Variants in TNFRSF1B observed in about 807,000 individuals in gnomAD.
TNFRSF1B encodes the protein tumor necrosis factor receptor superfamily member 1B.
Under a neutral mutation model 44.6 loss-of-function variants are expected in TNFRSF1B, and 19 were observed. That is an observed-to-expected ratio of 0.43 (90% CI 0.30 to 0.62). The LOEUF is 0.62. Ranked by LOEUF, TNFRSF1B falls within the 20% of genes least tolerant of loss-of-function variation. The pLI is 0.16. For synonymous variants in TNFRSF1B, 252 were observed against 261.1 expected, an observed-to-expected ratio of 0.97 and a Z score of 0.34; for missense variants, 541 against 619.9, an observed-to-expected ratio of 0.87 and a Z score of 1.35.
At chr1:12,185,218 T>TC (rs1156482269) in intron 1 of TNFRSF1B, among the ~76,000 whole-genome samples, 1 of 152,062 alleles carries the variant, frequency 6.6e-6, no homozygotes, top group African/African-American at 2.4e-5. Flanking sequence ...CCGCCACCCC[T>TC]CCCCCAGGTC....
chr1:12,205,948 G>C (rs1339570679), intron 9 of TNFRSF1B, among the ~76,000 whole-genome samples: 1 of 152,122 alleles, frequency 6.6e-6, no homozygotes, highest in Non-Finnish European at 1.5e-5. Flanking sequence ...CTTTTGAAGG[G>C]AGACAAGGCA....
chr1:12,192,073 C>A, intron 4 of TNFRSF1B, 150 bp downstream of exon 4: 1 of 1,125,774 alleles, frequency 8.9e-7, no homozygotes, highest in Non-Finnish European at 1.2e-6. Context: ...CGTCTGTCCA[C>A]CTGTCCACCG....
intron 2 of TNFRSF1B, 46 bp from the exon 3 acceptor site, chr1:12,190,911 G>A (rs1448487139): frequency 1.2e-6 from 2 of 1,600,194 alleles, no homozygotes; most frequent in African/African-American, 2.7e-5. Flanking sequence ...CCAGGGTCCT[G>A]GCAGAAGGCT....
In TNFRSF1B at chr1:12,198,181, G is replaced by A. The variant is rs1021478700; in HGVS notation, c.900+3563G>A. On this transcript the variant is annotated intron_variant, in intron 8 of 9. Coordinates refer to ENST00000376259, the MANE Select transcript of TNFRSF1B (RefSeq NM_001066.3). Reference sequence around the variant, plus strand: ...TACCCACAATCACCCCCATGGACACGGACACACTCATGCACGGACCCACGT... The same window carrying A: ...TACCCACAATCACCCCCATGGACACAGACACACTCATGCACGGACCCACGT... Among the ~76,000 whole-genome samples the A allele has an allele frequency of 8.6e-5, 13 of 151,302 alleles. No individual in the cohort carries two copies. In the South Asian group the frequency reaches 2.3e-3, roughly 27 times the overall value.
At position 12,192,892 on chromosome 1, in the gene TNFRSF1B, C is replaced by T; in HGVS notation, c.581C>T (p.Ala194Val). The T allele has an allele frequency of 6.2e-7, 1 of 1,614,088 alleles. No homozygotes were observed. The highest frequency in any genetic ancestry group is 2.2e-5 in the East Asian group (1 of 44,880). ...ICNVVAIPGNASMDAVCTSTS... is the reference protein window; with the variant it reads ...ICNVVAIPGNVSMDAVCTSTS... ...AACGTGGTGGCCATCCCTGGGAATG[C>T]AAGCATGGATGCAGTCTGCACGTCC... The change falls in exon 6 of 10, where the codon GCA (alanine) becomes GTA (valine). Residue 194 changes from alanine to valine, a missense_variant. By Grantham distance (64) the Ala-to-Val change is moderately conservative (BLOSUM62 0). Transcript: ENST00000376259.
At position 12,169,135 on chromosome 1, in the gene TNFRSF1B, G is replaced by T. The variant is rs1010722735; in HGVS notation, c.78+1966G>T. Reference sequence around the variant, plus strand: ...GAAAGCCTTTCCGCATTCTCAGTTGGATTTGATCTTCTCTTCGAACTCCCA... The same window carrying T: ...GAAAGCCTTTCCGCATTCTCAGTTGTATTTGATCTTCTCTTCGAACTCCCA... On this transcript the variant is annotated intron_variant, in intron 1 of 9. Transcript: ENST00000376259. This position sits in a 1 kb window ranked among gnomAD's most constrained non-coding sequence, Gnocchi z 4.5. Among the ~76,000 whole-genome samples the T allele has an allele frequency of 1.2e-4, 19 of 152,158 alleles. No homozygotes were observed. Among genetic ancestry groups the T allele is most frequent in the Non-Finnish European group, 2.6e-4 (18 of 68,016 alleles).
chr1:12,200,004 A>G (rs1437002680), intron 8 of TNFRSF1B, among the ~76,000 whole-genome samples: 1 of 152,114 alleles, frequency 6.6e-6, no homozygotes, highest in East Asian at 1.9e-4. Flanking sequence ...GCCTCTCTTC[A>G]GTGTGCGTGT....
chr1:12,183,447 T>A (rs1423033165), intron 1 of TNFRSF1B, among the ~76,000 whole-genome samples: 2 of 3,994 alleles, frequency 5.0e-4, no homozygotes, highest in Non-Finnish European at 1.0e-3. Context: ...TTTTATCTAT[T>A]CTCTCTCTCT....
chr1:12,201,937 G>A, intron 8 of TNFRSF1B, 30 bp from the exon 9 acceptor site: 1 of 1,561,398 alleles, frequency 6.4e-7, no homozygotes, highest in Non-Finnish European at 8.7e-7. Flanking sequence ...TGGGCTGACT[G>A]CTCTCCCCTA....
chr1:12,203,049 A>G (rs530223770), intron 9 of TNFRSF1B, among the ~76,000 whole-genome samples: 33 of 152,320 alleles, frequency 2.2e-4, no homozygotes, highest in South Asian at 1.4e-3. Flanking sequence ...TGGCATCTCT[A>G]GGGCCCACAC....
At chr1:12,183,113 G>A (rs544570940) in intron 1 of TNFRSF1B, among the ~76,000 whole-genome samples, 1 of 152,352 alleles carries the variant, frequency 6.6e-6, no homozygotes, top group African/African-American at 2.4e-5. Flanking sequence ...GGTAGCAGGT[G>A]CTCGGTACCG....
chr1:12,183,744 T>TTCTATCTACCTAC (rs1638896396), intron 1 of TNFRSF1B, among the ~76,000 whole-genome samples: 82 of 103,788 alleles, frequency 7.9e-4, no homozygotes, highest in South Asian at 2.4e-3. Context: ...TATCTATCTA[T>TTCTATCTACCTAC]CTATCTAGCT....
chr1:12,194,131 C>G, intron 7 of TNFRSF1B, 99 bp downstream of exon 7: 1 of 981,984 alleles, frequency 1.0e-6, no homozygotes, highest in Non-Finnish European at 1.6e-6. Flanking sequence ...AGGGGTCAGA[C>G]AGAGCTGGAT....
chr1:12,202,138 G>A lies in TNFRSF1B; in HGVS notation c.1072G>A (p.Ala358Thr), dbSNP rs1387092420. ...GGCACCAGGCGTGGAGGCCAGTGGG[G>A]CCGGGGAGGCCCGGGCCAGCACCGG... ...PQAPGVEASG[A>T]GEARASTGSS... Residue 358 changes from alanine (A) to threonine (T), a missense_variant, in exon 9 of 10, where the codon GCC (alanine) becomes ACC (threonine). Physicochemically the swap from Ala to Thr is moderately conservative, Grantham distance 58 (BLOSUM62 0). Coordinates refer to ENST00000376259, the MANE Select transcript of TNFRSF1B (RefSeq NM_001066.3). 6 of 1,556,368 alleles carry A rather than the reference G, an allele frequency of 3.9e-6. No individual in the cohort carries two copies. The Middle Eastern group carries it at 5.2e-4, about 134-fold the overall frequency.
chr1:12,208,225 T>C lies in TNFRSF1B; in HGVS notation c.*1205T>C, dbSNP rs1639556566. On this transcript the variant is annotated 3_prime_UTR_variant, in exon 10 of 10. Transcript: ENST00000376259. Reference sequence around the variant, plus strand: ...GCTGTCCTAGGCCACACCATCTCCTTTCAGGGAATTTCAGGAACTAGAGAT... The same window carrying C: ...GCTGTCCTAGGCCACACCATCTCCTCTCAGGGAATTTCAGGAACTAGAGAT... The C allele has an allele frequency of 6.5e-6, 1 of 152,780 alleles. No homozygotes were observed. Among genetic ancestry groups the C allele is most frequent in the Non-Finnish European group, 1.5e-5 (1 of 68,106 alleles). The allele number at this position is 152,780 out of a possible 1,614,324, so 9.5% of individuals were successfully genotyped here. A position where few individuals can be genotyped will look rare whatever the true frequency, so the allele number is the denominator to read the frequency against.
rs1639333375 is a variant in TNFRSF1B, at chr1:12,199,059, T to C, written c.901-2908T>C. On this transcript the variant is annotated intron_variant, in intron 8 of 9. Transcript: ENST00000376259. The surrounding 1 kb of genome is among the most constrained non-coding windows in gnomAD (Gnocchi z 4.0). ...TCTACTGGGGTCCCAGCCCAAGGAA[T>C]AGGACTCAGCCTGCTTCTGTGCCAC... Among the ~76,000 whole-genome samples, 1 of 152,058 alleles carries C rather than the reference T, an allele frequency of 6.6e-6. No homozygotes were observed. The highest frequency in any genetic ancestry group is 2.1e-4 in the South Asian group (1 of 4,818).
chr1:12,184,813 C>G (rs999249637), intron 1 of TNFRSF1B, among the ~76,000 whole-genome samples: 2 of 152,220 alleles, frequency 1.3e-5, no homozygotes, highest in African/African-American at 4.8e-5. Context: ...GAGTGAGGGG[C>G]TCCCCTGGTT....
intron 1 of TNFRSF1B, among the ~76,000 whole-genome samples, chr1:12,181,485 A>G (rs944467345): frequency 3.3e-5 from 5 of 152,106 alleles, no homozygotes; most frequent in Admixed American, 2.0e-4. Context: ...TACAGGTGAC[A>G]ATGCCGAGGC....
chr1:12,205,528 AG>A (rs773360477), intron 9 of TNFRSF1B, among the ~76,000 whole-genome samples: 13 of 152,164 alleles, frequency 8.5e-5, no homozygotes, highest in Non-Finnish European at 1.9e-4. Context: ...GGACAGATGG[AG>A]GCTGTTCACA....
Sources: gnomAD v4.1 joint callset for allele counts (sites outside exome capture counted in the v4.1 genomes callset) on GRCh38, gnomAD v4.1.1 for gene constraint, Gnocchi (gnomAD v3.1) non-coding constraint, MANE v1.5 for transcripts, NCBI Gene and HGNC (gene_info 2026-07-23, HGNC 2026-07-21) for gene names.